The following C12orf42 variants were observed in gnomAD, a reference collection of about 807,000 sequenced individuals.
C12orf42 encodes the protein uncharacterized protein C12orf42.
Under a neutral mutation model 21.6 loss-of-function variants are expected in C12orf42, and 25 were observed. That is an observed-to-expected ratio of 1.16 (90% CI 0.84 to 1.62). The LOEUF (loss-of-function observed/expected upper bound fraction) is 1.62. C12orf42 is among the 40% of genes most tolerant of loss of function. C12orf42 has a pLI of 0.00. For missense variants in C12orf42, 483 were observed against 459.3 expected (o/e 1.05, Z -0.47); for synonymous variants, 174 against 175.0 (o/e 0.99, Z 0.05).
chr12:103,481,309 T>C (rs942481771), intron 1 of C12orf42, among the ~76,000 whole-genome samples: 4 of 151,892 alleles, frequency 2.6e-5, no homozygotes, highest in South Asian at 2.1e-4. Context: ...TGTTCTATCA[T>C]GAAAAAATCC....
chr12:103,176,746 A>G, the C12orf42 span, among the ~76,000 whole-genome samples: 6 of 152,318 alleles, frequency 3.9e-5, no homozygotes, highest in Admixed American at 1.3e-4. Flanking sequence ...TTCATGCTGT[A>G]CTACCTCAAA....
the C12orf42 span, among the ~76,000 whole-genome samples, chr12:103,097,292 G>A: frequency 6.6e-6 from 1 of 152,268 alleles, no homozygotes; most frequent in African/African-American, 2.4e-5. Context: ...CACTTCTTGT[G>A]AAATGCTAGA....
the C12orf42 span, among the ~76,000 whole-genome samples, chr12:103,094,460 G>A: frequency 6.6e-6 from 1 of 152,096 alleles, no homozygotes; most frequent in African/African-American, 2.4e-5. Flanking sequence ...TTCAGTTCTA[G>A]GTATTTCTAG....
intron 2 of C12orf42, among the ~76,000 whole-genome samples, chr12:103,437,581 C>T (rs919510279): frequency 1.1e-4 from 17 of 151,864 alleles, no homozygotes; most frequent in African/African-American, 3.4e-4. Context: ...ATATCACCAC[C>T]GATCCCACAG....
intron 4 of C12orf42, among the ~76,000 whole-genome samples, chr12:103,328,398 A>C (rs2040903664): frequency 6.6e-6 from 1 of 152,170 alleles, no homozygotes; most frequent in African/African-American, 2.4e-5. Flanking sequence ...AAAAAAAATG[A>C]AATATTAGTT....
the C12orf42 span, among the ~76,000 whole-genome samples, chr12:103,142,196 G>A: frequency 6.6e-6 from 1 of 152,278 alleles, no homozygotes; most frequent in South Asian, 2.1e-4. Flanking sequence ...TTTTGAAGTT[G>A]TTGTCTCTAG....
the C12orf42 span, among the ~76,000 whole-genome samples, chr12:103,142,962 G>A: frequency 6.6e-6 from 1 of 152,122 alleles, no homozygotes; most frequent in African/African-American, 2.4e-5. Flanking sequence ...TGCATTGTGG[G>A]GAAGCCTCAC....
Position 103,308,617 on chromosome 12 carries a change from G to A in C12orf42, c.260-2272C>T, listed in dbSNP as rs557256179. 1.6e-4 allele frequency among the ~76,000 whole-genome samples: 24 copies of A among 152,328 alleles called. 2 individuals are homozygous for A. The South Asian group carries it at 4.8e-3, about 30-fold the overall frequency. On this transcript the variant is annotated intron_variant, in intron 4 of 5. Coordinates refer to ENST00000548883, the MANE Select transcript of C12orf42 (RefSeq NM_198521.5). ...GCTTTGGGATCTGATTGGGTGAGGT[G>A]TTAAGCAGACTTGTCTGGACAAATA...
the C12orf42 span, among the ~76,000 whole-genome samples, chr12:103,538,507 G>GCA: frequency 6.6e-6 from 1 of 152,206 alleles, no homozygotes; most frequent in South Asian, 2.1e-4. Context: ...AGAGGCCCTG[G>GCA]CACAAAATTG....
the C12orf42 span, among the ~76,000 whole-genome samples, chr12:103,169,366 T>C: frequency 1.3e-4 from 20 of 151,648 alleles, no homozygotes; most frequent in East Asian, 3.7e-3. Context: ...CCGAACCTCT[T>C]CCCTCTGCAC....
At chr12:103,222,916 G>C in the C12orf42 span, among the ~76,000 whole-genome samples, 1 of 149,918 alleles carries the variant, frequency 6.7e-6, no homozygotes, top group East Asian at 1.9e-4. Context: ...ATCTTGCTCT[G>C]TTATTTCTCT....
chr12:103,254,677 T>G (rs1313469800), intron 10 of C12orf42, among the ~76,000 whole-genome samples: 1 of 152,122 alleles, frequency 6.6e-6, no homozygotes, highest in East Asian at 1.9e-4. Flanking sequence ...AACAAAACAC[T>G]GCGTGTCCTC....
chr12:103,240,520 A>C (rs2033684398), intron 10 of C12orf42, among the ~76,000 whole-genome samples: 1 of 152,182 alleles, frequency 6.6e-6, no homozygotes, highest in Non-Finnish European at 1.5e-5. Context: ...CTTGCTCCTG[A>C]AGTCATGAGA....
chr12:103,382,954 C>A (rs2046308876), intron 3 of C12orf42, among the ~76,000 whole-genome samples: 1 of 152,158 alleles, frequency 6.6e-6, no homozygotes, highest in South Asian at 2.1e-4. Flanking sequence ...ATGGCTGGCC[C>A]AAGCAGCAAA....
the C12orf42 span, among the ~76,000 whole-genome samples, chr12:103,067,541 GT>G: frequency 1.3e-5 from 2 of 152,116 alleles, no homozygotes; most frequent in African/African-American, 4.8e-5. Flanking sequence ...GGTACTTTCT[GT>G]TTCTCCCATA....
the C12orf42 span, among the ~76,000 whole-genome samples, chr12:103,122,690 C>T: frequency 6.6e-6 from 1 of 152,118 alleles, no homozygotes; most frequent in Non-Finnish European, 1.5e-5. Flanking sequence ...TAGAAACCTT[C>T]CCAGTATGGT....
At position 103,401,731 on chromosome 12, in the gene C12orf42, C is replaced by T. The variant is rs374547735; in HGVS notation, c.79-56G>A. 5.5e-5 allele frequency: 84 copies of T among 1,515,088 alleles called. No homozygotes were observed. The African/African-American group carries it at 1.0e-3, about 19-fold the overall frequency. The allele number at this position is 1,515,088 out of a possible 1,614,324, so 93.9% of individuals were successfully genotyped here. A position where few individuals can be genotyped will look rare whatever the true frequency, so the allele number is the denominator to read the frequency against. On this transcript the variant is annotated intron_variant, in intron 2 of 5. Coordinates refer to ENST00000548883, the MANE Select transcript of C12orf42 (RefSeq NM_198521.5). Reference sequence around the variant, plus strand: ...CACTTCAATAATTCTTACAAAGAAACATTTCCATTCCTGAGATGGTTTTTA... The same window carrying T: ...CACTTCAATAATTCTTACAAAGAAATATTTCCATTCCTGAGATGGTTTTTA...
chr12:103,049,649 T>A, the C12orf42 span, among the ~76,000 whole-genome samples: 1 of 152,170 alleles, frequency 6.6e-6, no homozygotes, highest in Admixed American at 6.5e-5. Flanking sequence ...TTTGATAAAC[T>A]ATATTTTCAT....
chr12:103,553,743 A>C, the C12orf42 span, among the ~76,000 whole-genome samples: 2 of 152,140 alleles, frequency 1.3e-5, no homozygotes, highest in Admixed American at 1.3e-4. Context: ...GTTTTTAGTA[A>C]GTGCCCAGAT....
Sources: allele counts gnomAD v4.1 joint callset (sites outside exome capture counted in the v4.1 genomes callset), GRCh38; gene constraint gnomAD v4.1.1; transcripts MANE v1.5; gene names NCBI Gene and HGNC (gene_info 2026-07-23, HGNC 2026-07-21).